Variants in ARSG observed in about 807,000 individuals in gnomAD.
ARSG encodes ASG.
In ARSG, 37 loss-of-function variants were observed where a neutral mutation model predicts 50.5. The observed-to-expected ratio is 0.73, with a 90% CI of 0.56 to 0.96. The LOEUF (loss-of-function observed/expected upper bound fraction) is 0.96. Among genes scored for constraint, ARSG ranks in the 50% least tolerant of loss-of-function variants. The pLI, the probability that ARSG is intolerant of heterozygous loss-of-function variation, is 0.00. For missense variants in ARSG, 629 were observed against 675.3 expected (o/e 0.93, Z 0.76); for synonymous variants, 225 against 254.6 (o/e 0.88, Z 1.11).
the ARSG span, among the ~76,000 whole-genome samples, chr17:68,451,720 C>G: frequency 6.6e-6 from 1 of 152,094 alleles, no homozygotes; most frequent in Non-Finnish European, 1.5e-5. Flanking sequence ...ATCTGTACTC[C>G]CCCCACCCCC....
chr17:68,282,203 GA>G (rs1386555957), intron 1 of ARSG, among the ~76,000 whole-genome samples: 1 of 152,116 alleles, frequency 6.6e-6, no homozygotes, highest in Non-Finnish European at 1.5e-5. Context: ...CCTTGGTAGG[GA>G]CATGGATGAA....
chr17:68,411,796 A>G (rs2082011884), intron 11 of ARSG, among the ~76,000 whole-genome samples: 1 of 148,178 alleles, frequency 6.7e-6, no homozygotes, highest in African/African-American at 2.5e-5. Flanking sequence ...TGCTTTATGA[A>G]TCTGGGTGCT....
intron 1 of ARSG, among the ~76,000 whole-genome samples, chr17:68,305,881 G>T (rs953754821): frequency 1.3e-5 from 2 of 152,054 alleles, no homozygotes; most frequent in Non-Finnish European, 2.9e-5. Context: ...TTCGAGACCA[G>T]CCTGGCCAAC....
downstream of ARSG, chr17:68,426,253 G>GGGGGGGGGGGA: frequency 1.2e-6 from 1 of 841,018 alleles, no homozygotes. Context: ...GGGGAGCGGG[G>GGGGGGGGGGGA]GCTCAAATAA....
In ARSG at chr17:68,378,787, G is replaced by A. The variant is rs1384785561; in HGVS notation, c.983-6277G>A. 6.6e-6 allele frequency among the ~76,000 whole-genome samples: 1 copy of A among 152,200 alleles called. No individual in the cohort carries two copies. Among genetic ancestry groups the A allele is most frequent in the Non-Finnish European group, 1.5e-5 (1 of 68,028 alleles). ...GAACTGTTCCTTCCTCCCCCTTGGT[G>A]ATGAGGAAACATTCTGTTGAATTTG... is the stretch of plus-strand genomic sequence containing the variant. On this transcript the variant is annotated intron_variant, in intron 8 of 11. Coordinates refer to ENST00000621439, the MANE Select transcript of ARSG (RefSeq NM_001267727.2). The surrounding 1 kb of genome is among the most constrained non-coding windows in gnomAD (Gnocchi z 4.4).
chr17:68,428,919 C>T, the ARSG span: 17 of 1,613,810 alleles, frequency 1.1e-5, no homozygotes, highest in East Asian at 8.9e-5. Context: ...AACTAGCAGC[C>T]GTGGCAACTT....
the ARSG span, chr17:68,444,715 G>A: frequency 2.9e-6 from 2 of 681,132 alleles, no homozygotes; most frequent in East Asian, 2.8e-5. Flanking sequence ...TTTTGATGAT[G>A]CATTTTGAAG....
chr17:68,314,364 T>C lies in ARSG; in HGVS notation c.218+6653T>C, dbSNP rs151138709. Reference sequence around the variant, plus strand: ...CAACAAGAAGAAACCCCATCTCTACTAAAAATACAAAAGTAGCCAGGCGTG... The same window carrying C: ...CAACAAGAAGAAACCCCATCTCTACCAAAAATACAAAAGTAGCCAGGCGTG... On this transcript the variant is annotated intron_variant, in intron 2 of 11. Transcript: ENST00000621439. 3.9e-3 allele frequency among the ~76,000 whole-genome samples: 586 copies of C among 151,936 alleles called. 5 individuals are homozygous for C. Among genetic ancestry groups the C allele is most frequent in the African/African-American group, 0.013 (551 of 41,408 alleles).
chr17:68,395,205 A>C lies in ARSG; in HGVS notation c.1212+12A>C. ...AGCCTGGGCACAGGGTAAGTGGAGGAGGTACTTGCCCACATGTAGGCTCTT... is the reference window on the plus strand; with the variant it reads ...AGCCTGGGCACAGGGTAAGTGGAGGCGGTACTTGCCCACATGTAGGCTCTT... On this transcript the variant is annotated intron_variant, in intron 10 of 11. Coordinates refer to ENST00000621439, the MANE Select transcript of ARSG (RefSeq NM_001267727.2). 1 of 1,613,468 alleles carries C rather than the reference A, an allele frequency of 6.2e-7. No homozygotes were observed. The highest frequency in any genetic ancestry group is 8.5e-7 in the Non-Finnish European group (1 of 1,179,706).
intron 2 of ARSG, among the ~76,000 whole-genome samples, chr17:68,313,683 CT>C (rs58911609): frequency 2.4e-4 from 31 of 128,202 alleles, no homozygotes; most frequent in Non-Finnish European, 2.6e-4. Context: ...CTCTCTCTCT[CT>C]TTTTTTTTTT....
chr17:68,343,305 C>T (rs1158609860), intron 2 of ARSG, among the ~76,000 whole-genome samples: 1 of 152,118 alleles, frequency 6.6e-6, no homozygotes, highest in Non-Finnish European at 1.5e-5. Context: ...TACAGGCGCA[C>T]GCCACTGCAC....
intron 1 of ARSG, among the ~76,000 whole-genome samples, chr17:68,278,867 G>T (rs1460544347): frequency 6.6e-6 from 1 of 151,778 alleles, no homozygotes; most frequent in East Asian, 1.9e-4. Flanking sequence ...GGATCCACCC[G>T]CCTTGACCTC....
At position 68,356,533 on chromosome 17, in the gene ARSG, A is replaced by G. The variant is rs2079039638; in HGVS notation, c.567-134A>G. 3.0e-6 allele frequency: 3 copies of G among 1,002,072 alleles called. No individual in the cohort carries two copies. In the African/African-American group the frequency reaches 4.8e-5, roughly 16 times the overall value. The allele number at this position is 1,002,072 out of a possible 1,614,324, so 62.1% of individuals were successfully genotyped here. ...GCATAGACTTTTACACTTGGAGGAA[A>G]TGGCCAACCAGAAAAATCATTTGGG... On this transcript the variant is annotated intron_variant, in intron 5 of 11. Transcript: ENST00000621439.
intron 1 of ARSG, among the ~76,000 whole-genome samples, chr17:68,294,424 A>C (rs528029372): frequency 1.3e-4 from 20 of 152,308 alleles, no homozygotes; most frequent in African/African-American, 4.6e-4. Flanking sequence ...CTGGCTTGCA[A>C]ATAAGCTCAC....
At chr17:68,279,593 G>A (rs1471310767) in intron 1 of ARSG, among the ~76,000 whole-genome samples, 2 of 152,174 alleles carry the variant, frequency 1.3e-5, no homozygotes, top group Non-Finnish European at 2.9e-5. Context: ...CTGGACACCA[G>A]TTAACTGAGT....
At chr17:68,412,264 G>T (rs1469430980) in intron 11 of ARSG, among the ~76,000 whole-genome samples, 31 of 152,150 alleles carry the variant, frequency 2.0e-4, no homozygotes, top group African/African-American at 7.2e-4. Flanking sequence ...GGTACCGGTT[G>T]TTCCTTTCCA....
intron 9 of ARSG, among the ~76,000 whole-genome samples, chr17:68,390,208 G>T (rs541427625): frequency 1.3e-5 from 2 of 151,974 alleles, no homozygotes; most frequent in Middle Eastern, 3.4e-3. Flanking sequence ...GGCTGGTCTC[G>T]AACTCCTGAC....
chr17:68,336,492 G>A (rs1227467977), intron 2 of ARSG, among the ~76,000 whole-genome samples: 1 of 151,892 alleles, frequency 6.6e-6, no homozygotes, highest in Non-Finnish European at 1.5e-5. Flanking sequence ...TTACAGGCGT[G>A]AACCACCACA....
At chr17:68,308,176 C>T (rs934431184) in intron 2 of ARSG, among the ~76,000 whole-genome samples, 3 of 152,050 alleles carry the variant, frequency 2.0e-5, no homozygotes, top group Admixed American at 6.5e-5. Flanking sequence ...GGTGGTGGCA[C>T]GCTCCTGTGG....
Sources: allele counts gnomAD v4.1 joint callset (sites outside exome capture counted in the v4.1 genomes callset), GRCh38; gene constraint gnomAD v4.1.1; non-coding constraint Gnocchi (gnomAD v3.1); transcripts MANE v1.5; gene names NCBI Gene and HGNC (gene_info 2026-07-23, HGNC 2026-07-21).